XKR6: variants seen among roughly 807,000 people sequenced by gnomAD.
XKR6 encodes the protein XK related 6, also known as XK-related protein 6.
Under a neutral mutation model 56.7 loss-of-function variants are expected in XKR6, and 22 were observed. The ratio of observed to expected loss-of-function variants is 0.39; its 90% confidence interval spans 0.28 to 0.55. The LOEUF is 0.55. XKR6 is among the 20% of genes least tolerant of loss of function. The pLI is 0.66. For missense variants in XKR6, 852 were observed against 889.0 expected, an observed-to-expected ratio of 0.96 and a Z score of 0.53; for synonymous variants, 524 against 387.8, an observed-to-expected ratio of 1.35 and a Z score of -4.13.
At chr8:10,906,895 A>G (rs1412653580) in intron 2 of XKR6, among the ~76,000 whole-genome samples, 2 of 152,136 alleles carry the variant, frequency 1.3e-5, no homozygotes, top group African/African-American at 4.8e-5. Context: ...ATACAAAAAC[A>G]CAATTAGCTG....
chr8:11,099,372 T>C (rs1263309347), intron 1 of XKR6, among the ~76,000 whole-genome samples: 3 of 152,216 alleles, frequency 2.0e-5, no homozygotes, highest in Non-Finnish European at 4.4e-5. Flanking sequence ...TTTTAAAAGA[T>C]GATGCTTATC....
At chr8:10,934,538 T>G (rs1158556876) in intron 1 of XKR6, among the ~76,000 whole-genome samples, 2 of 130,900 alleles carry the variant, frequency 1.5e-5, no homozygotes, top group African/African-American at 5.5e-5. Flanking sequence ...TGTGAGTTTG[T>G]CATAGATAGC....
At chr8:11,138,801 C>T (rs1033752932) in intron 1 of XKR6, among the ~76,000 whole-genome samples, 10 of 152,048 alleles carry the variant, frequency 6.6e-5, no homozygotes, top group Admixed American at 2.0e-4. Flanking sequence ...CACAAAATGA[C>T]TAATTTTATT....
intron 1 of XKR6, among the ~76,000 whole-genome samples, chr8:11,123,198 C>A (rs2129184340): frequency 6.8e-6 from 1 of 147,660 alleles, no homozygotes; most frequent in South Asian, 2.1e-4. Flanking sequence ...GATTGTGCCA[C>A]TGCACTCCAG....
intron 1 of XKR6, among the ~76,000 whole-genome samples, chr8:10,989,343 G>A (rs1191828664): frequency 3.9e-5 from 6 of 152,216 alleles, no homozygotes; most frequent in Non-Finnish European, 7.3e-5. Context: ...AAGACAGCCA[G>A]AAGGGCCATT....
intron 1 of XKR6, among the ~76,000 whole-genome samples, chr8:11,001,269 G>A (rs1388389553): frequency 1.4e-5 from 2 of 146,788 alleles, no homozygotes; most frequent in African/African-American, 5.5e-5. Flanking sequence ...TTTAGGGCCA[G>A]CTAGTGAATA....
intron 1 of XKR6, among the ~76,000 whole-genome samples, chr8:10,931,628 G>C (rs541389782): frequency 4.1e-4 from 62 of 152,160 alleles, no homozygotes; most frequent in Non-Finnish European, 8.5e-4. Flanking sequence ...TTTTTACAAA[G>C]GGATAAAGAC....
intron 1 of XKR6, among the ~76,000 whole-genome samples, chr8:11,049,723 A>C (rs1369069126): frequency 2.0e-5 from 3 of 152,214 alleles, no homozygotes; most frequent in Non-Finnish European, 2.9e-5. Context: ...GATAAAAACC[A>C]AAAACATTCT....
intron 1 of XKR6, among the ~76,000 whole-genome samples, chr8:10,931,200 AAATT>A (rs1242713608): frequency 6.6e-6 from 1 of 152,228 alleles, no homozygotes; most frequent in Middle Eastern, 3.2e-3. Flanking sequence ...TCCGAAAATG[AAATT>A]CTTAGAGACA....
chr8:11,007,791 C>G (rs753365427), intron 1 of XKR6, among the ~76,000 whole-genome samples: 1 of 152,296 alleles, frequency 6.6e-6, no homozygotes, highest in East Asian at 1.9e-4. Flanking sequence ...TCTCTGGTGT[C>G]CCCTGGCTTC....
chr8:10,915,369 C>T (rs1273896390), intron 2 of XKR6, among the ~76,000 whole-genome samples: 3 of 152,214 alleles, frequency 2.0e-5, no homozygotes, highest in African/African-American at 7.2e-5. Context: ...CTACCTCGCT[C>T]ACTTTCACTG....
At chr8:10,978,991 C>G (rs1241828818) in intron 1 of XKR6, among the ~76,000 whole-genome samples, 3 of 152,144 alleles carry the variant, frequency 2.0e-5, no homozygotes, top group African/African-American at 7.2e-5. Context: ...CATGCCCAGA[C>G]CCATCTGTCC....
intron 1 of XKR6, among the ~76,000 whole-genome samples, chr8:11,015,327 G>A (rs1320683471): frequency 6.6e-6 from 1 of 152,098 alleles, no homozygotes; most frequent in Non-Finnish European, 1.5e-5. Context: ...CCAACTCTCT[G>A]GAAAGAGGGA....
At chr8:10,982,555 T>C (rs1797758943) in intron 1 of XKR6, among the ~76,000 whole-genome samples, 1 of 152,202 alleles carries the variant, frequency 6.6e-6, no homozygotes, top group South Asian at 2.1e-4. Context: ...GTAGCCCTGT[T>C]GTGACTAAGG....
intron 1 of XKR6, among the ~76,000 whole-genome samples, chr8:11,170,094 GA>G (rs144673240): frequency 0.056 from 8,537 of 152,064 alleles, 538 homozygotes; most frequent in African/African-American, 0.16. Context: ...GTCTTGTACT[GA>G]AAAAAAGAAT....
chr8:11,139,688 T>C (rs990853410), intron 1 of XKR6, among the ~76,000 whole-genome samples: 4 of 152,016 alleles, frequency 2.6e-5, no homozygotes, highest in Non-Finnish European at 5.9e-5. Flanking sequence ...CAGGTAAAAC[T>C]GGGAGAGGGG....
chr8:11,023,938 C>T (rs1052144079), intron 1 of XKR6, among the ~76,000 whole-genome samples: 6 of 152,118 alleles, frequency 3.9e-5, no homozygotes, highest in Admixed American at 6.5e-5. Flanking sequence ...TAAAACCCTA[C>T]GAGAAGAATA....
intron 1 of XKR6, among the ~76,000 whole-genome samples, chr8:11,188,336 G>A (rs1392495442): frequency 2.6e-5 from 4 of 152,118 alleles, no homozygotes; most frequent in African/African-American, 7.2e-5. Flanking sequence ...AATAGTGGAC[G>A]CCCCAAACAC....
intron 1 of XKR6, among the ~76,000 whole-genome samples, chr8:10,960,092 C>T (rs1243203226): frequency 6.6e-6 from 1 of 152,224 alleles, no homozygotes; most frequent in Non-Finnish European, 1.5e-5. Context: ...AGTCTTCAAA[C>T]TGCCCCATTA....
Sources: gnomAD v4.1 joint callset for allele counts (sites outside exome capture counted in the v4.1 genomes callset) on GRCh38, gnomAD v4.1.1 for gene constraint, MANE v1.5 for transcripts, NCBI Gene and HGNC (gene_info 2026-07-23, HGNC 2026-07-21) for gene names.